The following XKR6 variants were observed in gnomAD, a reference collection of about 807,000 sequenced individuals.
The protein encoded by XKR6 is XK-related protein 6.
Under a neutral mutation model 56.7 loss-of-function variants are expected in XKR6, and 22 were observed. The ratio of observed to expected loss-of-function variants is 0.39; its 90% confidence interval spans 0.28 to 0.55. The LOEUF (loss-of-function observed/expected upper bound fraction) is 0.55, where lower values mean the gene tolerates loss of function less well. Ranked by LOEUF, XKR6 falls within the 20% of genes least tolerant of loss-of-function variation. The pLI, the probability that XKR6 is intolerant of heterozygous loss-of-function variation, is 0.66. For synonymous variants in XKR6, 524 were observed against 387.8 expected, an observed-to-expected ratio of 1.35 and a Z score of -4.13; for missense variants, 852 against 889.0, an observed-to-expected ratio of 0.96 and a Z score of 0.53.
chr8:10,954,257 G>A (rs1801809991), intron 1 of XKR6, among the ~76,000 whole-genome samples: 1 of 152,190 alleles, frequency 6.6e-6, no homozygotes, highest in Admixed American at 6.5e-5. Context: ...TTTCATCGTG[G>A]CTGCACCATT....
intron 1 of XKR6, among the ~76,000 whole-genome samples, chr8:11,110,970 G>A (rs1798864285): frequency 6.6e-6 from 1 of 150,508 alleles, no homozygotes; most frequent in Non-Finnish European, 1.5e-5. Context: ...CCGAGTAGCT[G>A]GGACTACAGG....
intron 1 of XKR6, among the ~76,000 whole-genome samples, chr8:11,036,467 C>A (rs1012876117): frequency 6.6e-6 from 1 of 152,236 alleles, no homozygotes; most frequent in Non-Finnish European, 1.5e-5. Flanking sequence ...GCAGCATCAG[C>A]ATCAATGGGA....
At chr8:10,921,819 T>G (rs1432023723) in intron 2 of XKR6, among the ~76,000 whole-genome samples, 1 of 152,182 alleles carries the variant, frequency 6.6e-6, no homozygotes, top group African/African-American at 2.4e-5. Context: ...AGATTTGAAA[T>G]TGAAACAGCA....
At position 10,999,518 on chromosome 8, in the gene XKR6, T is replaced by G. The variant is rs563851354; in HGVS notation, c.765-74688A>C. 4.1e-4 allele frequency among the ~76,000 whole-genome samples: 62 copies of G among 152,360 alleles called. 1 individual carries two copies. Among genetic ancestry groups the G allele is most frequent in the South Asian group, 3.7e-3 (18 of 4,822 alleles). ...ACTTCTTTATCTTCAGAAGAAATTT[T>G]TTCAAGAAATAAATCACTGATCACC... On this transcript the variant is annotated intron_variant, in intron 1 of 2. Transcript: ENST00000416569.
intron 1 of XKR6, among the ~76,000 whole-genome samples, chr8:11,141,489 T>C (rs1800696040): frequency 1.3e-5 from 2 of 152,174 alleles, no homozygotes; most frequent in African/African-American, 4.8e-5. Context: ...AGAGCTGTAA[T>C]ACATAAGAGA....
At chr8:10,986,877 G>C (rs1440697264) in intron 1 of XKR6, among the ~76,000 whole-genome samples, 2 of 151,678 alleles carry the variant, frequency 1.3e-5, no homozygotes, top group Non-Finnish European at 2.9e-5. Flanking sequence ...CAGGGCTCAA[G>C]CCTTCTGCCT....
At chr8:10,982,202 A>G (rs1196235426) in intron 1 of XKR6, among the ~76,000 whole-genome samples, 1 of 152,264 alleles carries the variant, frequency 6.6e-6, no homozygotes, top group Non-Finnish European at 1.5e-5. Flanking sequence ...ATGTGGCAGC[A>G]AAGTAAAACA....
chr8:11,013,201 T>C (rs4415276), intron 1 of XKR6, among the ~76,000 whole-genome samples: 4,737 of 152,308 alleles, frequency 0.031, 247 homozygotes, highest in African/African-American at 0.11. Context: ...ATCTTCATTG[T>C]ACAGACAAGG....
intron 2 of XKR6, among the ~76,000 whole-genome samples, chr8:10,909,190 C>T (rs1401318472): frequency 6.7e-6 from 1 of 148,682 alleles, no homozygotes; most frequent in East Asian, 1.9e-4. Flanking sequence ...ATAGTTTGGC[C>T]TGAGCTCTGT....
chr8:11,009,765 G>A (rs932481180), intron 1 of XKR6, among the ~76,000 whole-genome samples: 8 of 152,102 alleles, frequency 5.3e-5, no homozygotes, highest in Non-Finnish European at 1.0e-4. Flanking sequence ...GAAAACTAAG[G>A]AAATCTGAAT....
intron 1 of XKR6, among the ~76,000 whole-genome samples, chr8:11,181,227 G>C (rs1336896488): frequency 6.6e-6 from 1 of 152,214 alleles, no homozygotes; most frequent in Non-Finnish European, 1.5e-5. Context: ...TTCATCAACT[G>C]AAGAGTGGTG....
intron 1 of XKR6, among the ~76,000 whole-genome samples, chr8:10,972,481 C>A (rs538771185): frequency 2.0e-5 from 3 of 152,296 alleles, no homozygotes; most frequent in African/African-American, 7.2e-5. Flanking sequence ...GCACTCCCGA[C>A]TGAAGAATGG....
intron 1 of XKR6, chr8:11,108,682 C>G (rs1325290570): frequency 2.3e-5 from 5 of 212,786 alleles, no homozygotes; most frequent in Admixed American, 6.0e-5. Context: ...AAGCAATGAG[C>G]GACCTTCAAG....
At chr8:10,956,387 C>A (rs997184741) in intron 1 of XKR6, among the ~76,000 whole-genome samples, 5 of 152,114 alleles carry the variant, frequency 3.3e-5, no homozygotes, top group Non-Finnish European at 7.4e-5. Context: ...GCCCTGGAGA[C>A]CCATCTGCAG....
In XKR6 at chr8:11,200,184, G is replaced by A. The variant is rs1370807583; in HGVS notation, c.764+392C>T. On this transcript the variant is annotated intron_variant, in intron 1 of 2. Coordinates refer to ENST00000416569, the MANE Select transcript of XKR6 (RefSeq NM_173683.4). The surrounding 1 kb of genome is among the most constrained non-coding windows in gnomAD (Gnocchi z 6.4). ...TCACCTGGGAACAAACCCGAATGCA[G>A]CGGCTGGAGGAGGGAAGGCTCCCCG... 6.6e-6 allele frequency among the ~76,000 whole-genome samples: 1 copy of A among 152,238 alleles called. No homozygotes were observed. The highest frequency in any genetic ancestry group is 1.9e-4 in the East Asian group (1 of 5,188).
chr8:10,990,023 T>C (rs901302686), intron 1 of XKR6, among the ~76,000 whole-genome samples: 1 of 152,232 alleles, frequency 6.6e-6, no homozygotes, highest in Admixed American at 6.5e-5. Context: ...TGGACACTGC[T>C]TCTGCGTGTG....
chr8:11,048,764 C>T (rs11250112), intron 1 of XKR6, among the ~76,000 whole-genome samples: 63,198 of 151,958 alleles, frequency 0.42, 13,832 homozygotes, highest in East Asian at 0.81. Flanking sequence ...CCAGACCTCC[C>T]GGTGGCTGAT....
At chr8:11,050,450 G>A (rs1234584921) in intron 1 of XKR6, among the ~76,000 whole-genome samples, 1 of 151,316 alleles carries the variant, frequency 6.6e-6, no homozygotes, top group Non-Finnish European at 1.5e-5. Flanking sequence ...ACTCTATGAA[G>A]AACAATGAGA....
chr8:11,188,807 C>T (rs2117118213), intron 1 of XKR6, among the ~76,000 whole-genome samples: 1 of 152,296 alleles, frequency 6.6e-6, no homozygotes, highest in South Asian at 2.1e-4. Context: ...AGACCCCAGG[C>T]CCCACCTCTG....
Sources: gnomAD v4.1 joint callset for allele counts (sites outside exome capture counted in the v4.1 genomes callset) on GRCh38, gnomAD v4.1.1 for gene constraint, Gnocchi (gnomAD v3.1) non-coding constraint, MANE v1.5 for transcripts, NCBI Gene and HGNC (gene_info 2026-07-23, HGNC 2026-07-21) for gene names.